Variants in SLC4A4 observed in about 807,000 individuals in gnomAD.
SLC4A4 encodes the protein electrogenic sodium bicarbonate cotransporter 1.
SLC4A4 carries 27 observed loss-of-function variants against 111.5 expected under a neutral mutation model. The ratio of observed to expected loss-of-function variants is 0.24; its 90% CI spans 0.18 to 0.33. SLC4A4 has a LOEUF of 0.33. Ranked by LOEUF, SLC4A4 falls within the 10% of genes least tolerant of loss-of-function variation. The pLI is 1.00. For synonymous variants in SLC4A4, 443 were observed against 463.4 expected (o/e 0.96, Z 0.57); for missense variants, 909 against 1,315.5 (o/e 0.69, Z 4.78).
intron 3 of SLC4A4, among the ~76,000 whole-genome samples, chr4:71,269,392 G>T (rs1049984990): frequency 6.6e-6 from 1 of 152,194 alleles, no homozygotes; most frequent in Admixed American, 6.5e-5. Flanking sequence ...GGTGACAGTT[G>T]TGTCTTTCTG....
At chr4:71,527,527 G>C (rs1362710107) in intron 16 of SLC4A4, among the ~76,000 whole-genome samples, 1 of 151,946 alleles carries the variant, frequency 6.6e-6, no homozygotes, top group Non-Finnish European at 1.5e-5. Context: ...AGGAGCCAGG[G>C]GGAGATCAAG....
At chr4:71,243,014 C>T (rs1361479036) in intron 2 of SLC4A4, among the ~76,000 whole-genome samples, 3 of 152,148 alleles carry the variant, frequency 2.0e-5, no homozygotes, top group Non-Finnish European at 4.4e-5. Context: ...CACAGTTAGA[C>T]TGCTCTGATA....
chr4:71,398,072 G>A (rs1158379320), intron 7 of SLC4A4, among the ~76,000 whole-genome samples: 1 of 152,040 alleles, frequency 6.6e-6, no homozygotes, highest in East Asian at 1.9e-4. Context: ...GATCACTTGA[G>A]GCCAGGAGTT....
At chr4:71,385,192 T>TATATA (rs1553902344) in intron 6 of SLC4A4, among the ~76,000 whole-genome samples, 4 of 5,890 alleles carry the variant, frequency 6.8e-4, no homozygotes, top group Non-Finnish European at 1.7e-3. Context: ...TATATATATA[T>TATATA]TTTTTTTTTT....
chr4:71,318,091 A>G (rs1177165741), intron 3 of SLC4A4, among the ~76,000 whole-genome samples: 4 of 152,052 alleles, frequency 2.6e-5, no homozygotes, highest in Admixed American at 1.3e-4. Context: ...GAATTGAAAG[A>G]ATAAAAATAA....
chr4:71,413,693 T>C (rs1008701540), intron 7 of SLC4A4, among the ~76,000 whole-genome samples: 4 of 152,166 alleles, frequency 2.6e-5, no homozygotes, highest in East Asian at 3.9e-4. Context: ...GAAAGGGCGC[T>C]TGTTGCTGTT....
chr4:71,425,689 G>T (rs1262455821), intron 7 of SLC4A4, among the ~76,000 whole-genome samples: 8 of 152,154 alleles, frequency 5.3e-5, no homozygotes, highest in African/African-American at 1.9e-4. Flanking sequence ...TCAAAGTGGG[G>T]GTGGATGGTG....
At chr4:71,225,436 T>C (rs552388811) in intron 1 of SLC4A4, among the ~76,000 whole-genome samples, 43 of 152,256 alleles carry the variant, frequency 2.8e-4, no homozygotes, top group African/African-American at 1.0e-3. Context: ...GAACCTTCAG[T>C]TCTTTCCCTG....
At chr4:71,117,735 G>A (rs1743305640) in intron 2 of SLC4A4, among the ~76,000 whole-genome samples, 1 of 152,102 alleles carries the variant, frequency 6.6e-6, no homozygotes, top group South Asian at 2.1e-4. Flanking sequence ...CTTCCAAGAT[G>A]GAAAGGGTTC....
At chr4:71,515,926 T>C (rs1284802402) in intron 16 of SLC4A4, among the ~76,000 whole-genome samples, 2 of 151,992 alleles carry the variant, frequency 1.3e-5, no homozygotes, top group African/African-American at 4.8e-5. Flanking sequence ...TCAGCAGTTC[T>C]ATATCTTTTA....
intron 4 of SLC4A4, among the ~76,000 whole-genome samples, chr4:71,348,118 A>G (rs1729489684): frequency 6.6e-6 from 1 of 152,188 alleles, no homozygotes; most frequent in African/African-American, 2.4e-5. Flanking sequence ...TGATATACCT[A>G]AAGTTAACCA....
At chr4:71,106,406 A>G (rs1742920222) in intron 2 of SLC4A4, among the ~76,000 whole-genome samples, 1 of 149,322 alleles carries the variant, frequency 6.7e-6, no homozygotes. Flanking sequence ...CATTTGAGCC[A>G]GCCATCCCAT....
At chr4:71,477,447 C>T (rs1013771479) in intron 14 of SLC4A4, among the ~76,000 whole-genome samples, 1 of 151,686 alleles carries the variant, frequency 6.6e-6, no homozygotes, top group African/African-American at 2.4e-5. Context: ...TGCAAGTCTG[C>T]CTTCTCCCCC....
At chr4:71,086,758 C>G (rs557712761) in intron 1 of SLC4A4, among the ~76,000 whole-genome samples, 33 of 152,168 alleles carry the variant, frequency 2.2e-4, no homozygotes, top group Non-Finnish European at 3.2e-4. Flanking sequence ...ATAAAGCCCA[C>G]TTGATCGTGG....
intron 1 of SLC4A4, among the ~76,000 whole-genome samples, chr4:71,188,900 T>G (rs536947128): frequency 6.6e-6 from 1 of 152,336 alleles, no homozygotes; most frequent in South Asian, 2.1e-4. Context: ...GAGAAAAAAC[T>G]TTTACTTTCA....
chr4:71,535,064 T>C (rs1734286969), intron 18 of SLC4A4, among the ~76,000 whole-genome samples: 1 of 152,150 alleles, frequency 6.6e-6, no homozygotes, highest in African/African-American at 2.4e-5. Flanking sequence ...CAATACCATT[T>C]GAAGAAGTGA....
chr4:71,456,838 T>A (rs1726317049), intron 12 of SLC4A4, among the ~76,000 whole-genome samples: 1 of 152,148 alleles, frequency 6.6e-6, no homozygotes, highest in Non-Finnish European at 1.5e-5. Context: ...TGGCTTCACT[T>A]GCTTTTCTAA....
chr4:71,492,376 C>G (rs893921927), intron 15 of SLC4A4, among the ~76,000 whole-genome samples: 9 of 151,838 alleles, frequency 5.9e-5, no homozygotes, highest in Admixed American at 5.9e-4. Flanking sequence ...CTTTTCAGAA[C>G]TGCGAGCAGA....
chr4:71,091,279 G>T (rs1477684517), intron 1 of SLC4A4, among the ~76,000 whole-genome samples: 4 of 146,370 alleles, frequency 2.7e-5, no homozygotes, highest in South Asian at 2.2e-4. Context: ...TTGAGCCGGA[G>T]TCTTGCTTTG....
Sources: allele counts gnomAD v4.1 joint callset (sites outside exome capture counted in the v4.1 genomes callset), GRCh38; gene constraint gnomAD v4.1.1; transcripts MANE v1.5; gene names NCBI Gene and HGNC (gene_info 2026-07-23, HGNC 2026-07-21).